Variants in TMEM72 observed in about 807,000 individuals in gnomAD.
TMEM72 encodes transmembrane protein 72.
TMEM72 carries 9 observed loss-of-function variants against 16.3 expected under a neutral mutation model. The ratio of observed to expected loss-of-function variants is 0.55; its 90% CI spans 0.33 to 0.96. The LOEUF (loss-of-function observed/expected upper bound fraction) is 0.96, where lower values mean the gene tolerates loss of function less well. TMEM72 is among the 40% of genes least tolerant of loss of function. The pLI, the probability that TMEM72 is intolerant of heterozygous loss-of-function variation, is 0.03. For missense variants in TMEM72, 324 were observed against 337.8 expected, an observed-to-expected ratio of 0.96 and a Z score of 0.32; for synonymous variants, 160 against 146.5, an observed-to-expected ratio of 1.09 and a Z score of -0.66.
chr10:44,929,075 C>G lies in TMEM72; in HGVS notation c.137+1088C>G, dbSNP rs867571435. 5.9e-5 allele frequency among the ~76,000 whole-genome samples: 9 copies of G among 152,196 alleles called. No individual in the cohort carries two copies. The South Asian group carries it at 1.9e-3, about 32-fold the overall frequency. ...GCCTAGTTTTACAGATGAGAAAATT[C>G]AGAAGGAGTAAGCAGGTTAGCCCAC... On this transcript the variant is annotated intron_variant, in intron 2 of 4. Transcript: ENST00000389583.
At chr10:44,919,254 G>A (rs1223791386) in intron 1 of TMEM72, among the ~76,000 whole-genome samples, 2 of 152,180 alleles carry the variant, frequency 1.3e-5, no homozygotes, top group Admixed American at 6.5e-5. Context: ...AGGCAAGGGT[G>A]TCCACTCTAC....
rs939071781 is a variant in TMEM72 at position 44,933,689 on chromosome 10, G to A, written c.262G>A (p.Gly88Ser). 3.7e-6 allele frequency: 6 copies of A among 1,614,118 alleles called. No homozygotes were observed. Among genetic ancestry groups the A allele is most frequent in the Non-Finnish European group, 4.2e-6 (5 of 1,180,000 alleles). The change falls in exon 4 of 5, where the codon GGC (glycine) becomes AGC (serine). Residue 88 changes from glycine to serine, a missense_variant. Physicochemically the swap from Gly to Ser is moderately conservative, Grantham distance 56. Coordinates refer to ENST00000389583, the MANE Select transcript of TMEM72 (RefSeq NM_001123376.3). ...AGTAAGGGAGAAAGCCCACTGGCTG[G>A]GCTGCTTCCAGAAGTTCCTGGCCTA... is the stretch of plus-strand genomic sequence containing the variant. ...DRVREKAHWL[G>S]CFQKFLAYLL...
intron 1 of TMEM72, among the ~76,000 whole-genome samples, chr10:44,920,508 T>C (rs1239400915): frequency 1.3e-5 from 2 of 152,216 alleles, no homozygotes; most frequent in African/African-American, 4.8e-5. Context: ...GATGGGAGTT[T>C]GGGTCACTTA....
intron 1 of TMEM72, among the ~76,000 whole-genome samples, chr10:44,918,360 G>A (rs1237350377): frequency 6.6e-6 from 1 of 152,256 alleles, no homozygotes; most frequent in Non-Finnish European, 1.5e-5. Flanking sequence ...CATCACCAAA[G>A]AGTGGGGTAT....
Position 44,935,227 on chromosome 10 carries a change from C to A in TMEM72, c.*93C>A. 7.7e-7 allele frequency: 1 copy of A among 1,290,546 alleles called. No homozygotes were observed. The highest frequency in any genetic ancestry group is 1.5e-5 in the African/African-American group (1 of 66,756). 79.9% of individuals were successfully genotyped at this position (1,290,546 alleles called of 1,614,324 possible). A position where few individuals can be genotyped will look rare whatever the true frequency, so the allele number is the denominator to read the frequency against. On this transcript the variant is annotated 3_prime_UTR_variant, in exon 5 of 5. Transcript: ENST00000389583. Reference sequence around the variant, plus strand: ...TCAGGGTCTTCTCTGGTCAGCTTTTCAAGGGGTAACCAGACACCCCCACAC... The same window carrying A: ...TCAGGGTCTTCTCTGGTCAGCTTTTAAAGGGGTAACCAGACACCCCCACAC...
In TMEM72 at chr10:44,927,975, C is replaced by A. The variant is rs562496880; in HGVS notation, c.125C>A (p.Ala42Asp). Residue 42 changes from alanine (A) to aspartate (D), a missense_variant, in exon 2 of 5, where the codon GCT (alanine) becomes GAT (aspartate). By Grantham distance (126) the Ala-to-Asp change is moderately radical. Transcript: ENST00000389583. ...CTCCAGGGCCAGTTCAAAAGCCTGG[C>A]TTTCTATCTGCTGTGAGTATGTGTG... ...TFLQGQFKSL[A>D]FYLLFTGAAV... 22 of 1,613,734 alleles carry A rather than the reference C, an allele frequency of 1.4e-5. No individual in the cohort carries two copies. The South Asian group carries it at 2.2e-4, about 16-fold the overall frequency.
chr10:44,932,037 C>G lies in TMEM72; in HGVS notation c.177C>G (p.Tyr59Ter). 2 of 1,613,528 alleles carry G rather than the reference C, an allele frequency of 1.2e-6. No homozygotes were observed. Among genetic ancestry groups the G allele is most frequent in the South Asian group, 2.2e-5 (2 of 90,832 alleles). ...GAAVSICEGA[Y>*]FVAQLLAICF... The stretch of plus-strand genomic sequence containing the variant: ...CTGTCTCCATATGTGAAGGGGCCTA[C>G]TTTGTGGCTCAGCTGCTGGCCATCT... Residue 59 changes from tyrosine (Y) to a stop codon, truncating the protein, a stop_gained, in exon 3 of 5, where the codon TAC becomes TAG. Transcript: ENST00000389583. LOFTEE classifies it high-confidence loss of function.
intron 1 of TMEM72, among the ~76,000 whole-genome samples, chr10:44,915,774 C>T (rs566519669): frequency 6.6e-6 from 1 of 152,280 alleles, no homozygotes; most frequent in East Asian, 1.9e-4. Flanking sequence ...CACCGATATT[C>T]ATTGCAGCTA....
intron 1 of TMEM72, among the ~76,000 whole-genome samples, chr10:44,916,969 A>G (rs747176839): frequency 6.6e-6 from 1 of 152,186 alleles, no homozygotes; most frequent in Non-Finnish European, 1.5e-5. Context: ...AGGATTAAAA[A>G]GCATGTCCCA....
Position 44,927,942 on chromosome 10 carries a change from A to G in TMEM72, c.92A>G (p.Glu31Gly). The change falls in exon 2 of 5, where the codon GAG becomes GGG. Residue 31 changes from glutamate to glycine, a missense_variant. By Grantham distance (98) the Glu-to-Gly change is moderately conservative. Transcript: ENST00000389583. ...TAAVLIGVGT[E>G]TFLQGQFKSL... ...TTAGTGTTGATCGGCGTGGGCACTG[A>G]GACCTTCCTCCAGGGCCAGTTCAAA... 1 of 1,612,920 alleles carries G rather than the reference A, an allele frequency of 6.2e-7. No homozygotes were observed. The highest frequency in any genetic ancestry group is 8.5e-7 in the Non-Finnish European group (1 of 1,179,624).
intron 4 of TMEM72, among the ~76,000 whole-genome samples, chr10:44,934,251 G>C (rs1840354628): frequency 6.6e-6 from 1 of 152,164 alleles, no homozygotes; most frequent in Non-Finnish European, 1.5e-5. Flanking sequence ...TGGCCAGCTG[G>C]TTTCTGGTCA....
chr10:44,932,429 G>T (rs1840314085), intron 3 of TMEM72, among the ~76,000 whole-genome samples: 1 of 152,232 alleles, frequency 6.6e-6, no homozygotes, highest in African/African-American at 2.4e-5. Flanking sequence ...CCAGCTGGGA[G>T]TGAGCAGACC....
chr10:44,918,545 T>A (rs1305095412), intron 1 of TMEM72, among the ~76,000 whole-genome samples: 2 of 152,216 alleles, frequency 1.3e-5, no homozygotes, highest in Admixed American at 1.3e-4. Flanking sequence ...TAGACTAATA[T>A]TCTTCTCAAT....
Position 44,935,290 on chromosome 10 carries a change from C to A in TMEM72, c.*156C>A. 2.9e-6 allele frequency: 2 copies of A among 685,418 alleles called. No homozygotes were observed. The highest frequency in any genetic ancestry group is 2.4e-5 in the South Asian group (1 of 41,504). 42.5% of individuals were successfully genotyped at this position (685,418 alleles called of 1,614,324 possible). On this transcript the variant is annotated 3_prime_UTR_variant, in exon 5 of 5. Transcript: ENST00000389583. ...TGAGGCCATCAGGAGGTGTGACTGG[C>A]CAGCATTTCTGGAGAGGCCTCGAGG...
chr10:44,935,308 C>G lies in TMEM72; in HGVS notation c.*174C>G. The G allele has an allele frequency of 1.7e-6, 1 of 595,272 alleles. No individual in the cohort carries two copies. Among genetic ancestry groups the G allele is most frequent in the South Asian group, 2.8e-5 (1 of 35,320 alleles). The allele number at this position is 595,272 out of a possible 1,614,324, so 36.9% of individuals were successfully genotyped here. A position where few individuals can be genotyped will look rare whatever the true frequency, so the allele number is the denominator to read the frequency against. ...TGACTGGCCAGCATTTCTGGAGAGG[C>G]CTCGAGGGAGGCACAAACAAGGCTC... On this transcript the variant is annotated 3_prime_UTR_variant, in exon 5 of 5. Coordinates refer to ENST00000389583, the MANE Select transcript of TMEM72 (RefSeq NM_001123376.3).
At chr10:44,925,172 C>T (rs1840165270) in intron 1 of TMEM72, among the ~76,000 whole-genome samples, 1 of 152,116 alleles carries the variant, frequency 6.6e-6, no homozygotes, top group Non-Finnish European at 1.5e-5. Flanking sequence ...TTCCATCCGG[C>T]TCTCATTTCT....
At chr10:44,912,547 T>C (rs1022098860) in intron 1 of TMEM72, among the ~76,000 whole-genome samples, 7 of 152,200 alleles carry the variant, frequency 4.6e-5, no homozygotes, top group Non-Finnish European at 7.3e-5. Context: ...ACATAGTGCT[T>C]GTTCCTGCCC....
intron 1 of TMEM72, among the ~76,000 whole-genome samples, chr10:44,927,019 A>G (rs1441725914): frequency 1.3e-5 from 2 of 152,146 alleles, no homozygotes; most frequent in African/African-American, 4.8e-5. Context: ...CCAGGCAGCC[A>G]GGGATGACAG....
At chr10:44,919,913 T>A (rs1443275993) in intron 1 of TMEM72, 1 of 152,240 alleles carries the variant, frequency 6.6e-6, no homozygotes, top group Non-Finnish European at 1.5e-5. Context: ...AAGAAGCCTG[T>A]GGCTACTACC....
Sources: allele counts gnomAD v4.1 joint callset (sites outside exome capture counted in the v4.1 genomes callset), GRCh38; gene constraint gnomAD v4.1.1; transcripts MANE v1.5; gene names NCBI Gene and HGNC (gene_info 2026-07-23, HGNC 2026-07-21).